The following ARHGEF12 variants were observed in gnomAD, a reference collection of about 807,000 sequenced individuals.
ARHGEF12 encodes KMT2A/ARHGEF12 fusion protein.
A neutral mutation model predicts 211.2 loss-of-function variants in ARHGEF12; 66 were observed. The ratio of observed to expected loss-of-function variants is 0.31; its 90% CI spans 0.26 to 0.38. The LOEUF is 0.38. Among genes scored for constraint, ARHGEF12 ranks in the 10% least tolerant of loss-of-function variants. The pLI is 1.00. For synonymous variants in ARHGEF12, 592 were observed against 638.4 expected (o/e 0.93, Z 1.09); for missense variants, 1,429 against 1,869.5 (o/e 0.76, Z 4.34).
intron 34 of ARHGEF12, 138 bp from the exon 35 acceptor site, chr11:120,477,081 T>TTTG (rs146792075): frequency 0.04 from 26,397 of 661,560 alleles, 351 homozygotes; most frequent in African/African-American, 0.042. Context: ...CAGAGTGGGT[T>TTTG]TTGTTGTTGT....
chr11:120,352,780 T>A (rs1943023231), intron 1 of ARHGEF12, among the ~76,000 whole-genome samples: 1 of 152,154 alleles, frequency 6.6e-6, no homozygotes, highest in Non-Finnish European at 1.5e-5. Context: ...CTATTGTCAT[T>A]CTCCCCATAA....
intron 1 of ARHGEF12, among the ~76,000 whole-genome samples, chr11:120,374,173 A>G (rs1019119398): frequency 2.0e-5 from 3 of 152,188 alleles, no homozygotes; most frequent in Non-Finnish European, 2.9e-5. Flanking sequence ...TTAACCAAGC[A>G]TGGTTCCTCC....
At chr11:120,434,156 A>C (rs1368412181) in intron 11 of ARHGEF12, among the ~76,000 whole-genome samples, 1 of 152,168 alleles carries the variant, frequency 6.6e-6, no homozygotes, top group East Asian at 1.9e-4. Context: ...AAAGAGGGAG[A>C]TCTGTAAGAA....
intron 27 of ARHGEF12, chr11:120,464,274 G>A (rs1946631362): frequency 6.6e-6 from 1 of 152,052 alleles, no homozygotes; most frequent in South Asian, 2.1e-4. Context: ...AAAGGCTTCA[G>A]GGTGTAAGAA....
chr11:120,406,489 T>C (rs1183869360), intron 2 of ARHGEF12, among the ~76,000 whole-genome samples: 1 of 152,198 alleles, frequency 6.6e-6, no homozygotes, highest in East Asian at 1.9e-4. Flanking sequence ...TTATCACTTG[T>C]GTGACTATAA....
In ARHGEF12 at chr11:120,465,271, C is replaced by T; in HGVS notation, c.2648C>T (p.Ala883Val). ...CCAGGAGAGGAGAAATTGAAACATG[C>T]TGCTGCTACCTTTTGCAGTAACCAA... ...SGPGEEKLKH[A>V]AATFCSNQPF... is the part of the protein sequence containing the mutation. Residue 883 changes from alanine to valine, a missense_variant, in exon 28 of 41, where the codon GCT (alanine) becomes GTT (valine). Around this residue, in one of 7 missense-constraint regions of ARHGEF12, gnomAD observed 223 missense variants for 444.6 expected, o/e 0.50. Transcript: ENST00000397843. The T allele has an allele frequency of 6.2e-7, 1 of 1,614,132 alleles. No individual in the cohort carries two copies. The highest frequency in any genetic ancestry group is 8.5e-7 in the Non-Finnish European group (1 of 1,180,012).
rs138104414 is a variant in ARHGEF12 at position 120,446,577 on chromosome 11, G to C, written c.1451+69G>C. On this transcript the variant is annotated intron_variant, in intron 17 of 40. Transcript: ENST00000397843. ...TAATTTTTTTAGTTAAGAAAAAGTT[G>C]CTCATTAAATACTTAGCTTAGCACT... 1.4e-3 allele frequency: 1,755 copies of C among 1,238,460 alleles called. 11 individuals carry two copies. Among genetic ancestry groups the C allele is most frequent in the African/African-American group, 0.01 (667 of 65,396 alleles). The allele number at this position is 1,238,460 out of a possible 1,614,324, so 76.7% of individuals were successfully genotyped here. A position where few individuals can be genotyped will look rare whatever the true frequency, so the allele number is the denominator to read the frequency against.
chr11:120,375,471 C>G (rs1943699208), intron 1 of ARHGEF12, among the ~76,000 whole-genome samples: 1 of 151,714 alleles, frequency 6.6e-6, no homozygotes, highest in Non-Finnish European at 1.5e-5. Context: ...AAAAAAGCAC[C>G]CGTACAATTA....
intron 1 of ARHGEF12, among the ~76,000 whole-genome samples, chr11:120,391,245 T>C (rs1156965767): frequency 2.6e-5 from 4 of 152,228 alleles, no homozygotes; most frequent in African/African-American, 9.6e-5. Flanking sequence ...CATCTCTTCC[T>C]TATATACAAG....
chr11:120,451,863 A>C, intron 22 of ARHGEF12, 139 bp downstream of exon 22: 3 of 782,448 alleles, frequency 3.8e-6, no homozygotes, highest in Non-Finnish European at 6.0e-6. Flanking sequence ...GCTACAACCA[A>C]TAAGAAATCT....
intron 1 of ARHGEF12, among the ~76,000 whole-genome samples, chr11:120,405,263 A>T (rs549219763): frequency 6.6e-6 from 1 of 152,184 alleles, no homozygotes. Flanking sequence ...TAATCTTTAC[A>T]TAAAATGCCA....
At chr11:120,341,448 A>G (rs1233330337) in intron 1 of ARHGEF12, among the ~76,000 whole-genome samples, 1 of 152,232 alleles carries the variant, frequency 6.6e-6, no homozygotes, top group Admixed American at 6.5e-5. Flanking sequence ...CATGGAATCC[A>G]TAAATGGTGA....
At chr11:120,358,279 C>T (rs982934248) in intron 1 of ARHGEF12, among the ~76,000 whole-genome samples, 3 of 152,054 alleles carry the variant, frequency 2.0e-5, no homozygotes, top group Admixed American at 6.5e-5. Context: ...AGCGAAGAGA[C>T]AAAGTTATTA....
intron 1 of ARHGEF12, among the ~76,000 whole-genome samples, chr11:120,360,279 C>T (rs181062421): frequency 2.2e-4 from 34 of 152,286 alleles, no homozygotes; most frequent in African/African-American, 7.7e-4. Flanking sequence ...TTGCCTTTAT[C>T]CTGCTGACTG....
chr11:120,403,335 C>T (rs1328828909), intron 1 of ARHGEF12, among the ~76,000 whole-genome samples: 1 of 151,938 alleles, frequency 6.6e-6, no homozygotes, highest in East Asian at 1.9e-4. Context: ...GGCGAAACCC[C>T]GTCTCTACTA....
chr11:120,440,075 T>A (rs1435987105), intron 12 of ARHGEF12, 54 bp from the exon 13 acceptor site: 1 of 1,299,130 alleles, frequency 7.7e-7, no homozygotes, highest in African/African-American at 1.5e-5. Context: ...TTATTCTTTT[T>A]CTAAATTTGA....
At chr11:120,351,520 G>C (rs1237453704) in intron 1 of ARHGEF12, among the ~76,000 whole-genome samples, 2 of 135,292 alleles carry the variant, frequency 1.5e-5, no homozygotes, top group Non-Finnish European at 3.1e-5. Context: ...CTGGAGGCTG[G>C]AGTGCAGTGG....
chr11:120,453,029 G>A (rs1351165165), intron 22 of ARHGEF12, among the ~76,000 whole-genome samples: 1 of 148,698 alleles, frequency 6.7e-6, no homozygotes, highest in Non-Finnish European at 1.5e-5. Flanking sequence ...AAAAAAAAAC[G>A]ACAAGATAAT....
At chr11:120,402,951 T>C (rs1944585009) in intron 1 of ARHGEF12, among the ~76,000 whole-genome samples, 1 of 152,234 alleles carries the variant, frequency 6.6e-6, no homozygotes, top group Non-Finnish European at 1.5e-5. Flanking sequence ...TGTGTATGCT[T>C]ATTAGAATAA....
Sources: allele counts gnomAD v4.1 joint callset (sites outside exome capture counted in the v4.1 genomes callset), GRCh38; gene constraint gnomAD v4.1.1; regional missense constraint gnomAD v4.1.1; transcripts MANE v1.5; gene names NCBI Gene and HGNC (gene_info 2026-07-23, HGNC 2026-07-21).